MIPOL1: variants seen among roughly 807,000 people sequenced by gnomAD.
The protein encoded by MIPOL1 is mirror-image polydactyly gene 1 protein.
MIPOL1 carries 57 observed loss-of-function variants against 60.9 expected under a neutral mutation model. That is an observed-to-expected ratio of 0.94 (90% CI 0.76 to 1.17). The LOEUF (loss-of-function observed/expected upper bound fraction) is 1.17, where lower values mean the gene tolerates loss of function less well. Among genes scored for constraint, MIPOL1 ranks in the 50% most tolerant of loss-of-function variants. MIPOL1 has a pLI of 0.00. For missense variants in MIPOL1, 551 were observed against 511.6 expected, an observed-to-expected ratio of 1.08 and a Z score of -0.74; for synonymous variants, 179 against 168.8, an observed-to-expected ratio of 1.06 and a Z score of -0.47.
At chr14:37,331,277 T>G (rs2089658646) in intron 9 of MIPOL1, among the ~76,000 whole-genome samples, 1 of 152,154 alleles carries the variant, frequency 6.6e-6, no homozygotes, top group South Asian at 2.1e-4. Context: ...GGTTTATTTT[T>G]TATGTTTCTG....
intron 12 of MIPOL1, chr14:37,506,697 C>CATGA (rs1285049212): frequency 6.6e-6 from 1 of 152,166 alleles, no homozygotes; most frequent in African/African-American, 2.4e-5. Flanking sequence ...GCAAAGACTT[C>CATGA]ATGACTAAAA....
intron 12 of MIPOL1, among the ~76,000 whole-genome samples, chr14:37,519,488 T>C (rs904461963): frequency 2.0e-5 from 3 of 152,250 alleles, no homozygotes; most frequent in South Asian, 2.1e-4. Flanking sequence ...AAAATTTTGA[T>C]ATTTTTCTCA....
Position 37,308,592 on chromosome 14 carries a change from A to G in MIPOL1, c.828+73A>G. Reference sequence around the variant, plus strand: ...CTATTTTTTTAACCATTAAAAACTGACTTTGGCCCAGATATTCTTAATTCA... The same window carrying G: ...CTATTTTTTTAACCATTAAAAACTGGCTTTGGCCCAGATATTCTTAATTCA... On this transcript the variant is annotated intron_variant, in intron 9 of 12. Transcript: ENST00000684589. The G allele has an allele frequency of 3.5e-6, 4 of 1,147,312 alleles. No individual in the cohort carries two copies. The South Asian group carries it at 8.1e-5, about 23-fold the overall frequency. The allele number at this position is 1,147,312 out of a possible 1,614,324, so 71.1% of individuals were successfully genotyped here.
intron 9 of MIPOL1, among the ~76,000 whole-genome samples, chr14:37,366,832 G>A (rs904545320): frequency 1.3e-5 from 2 of 151,852 alleles, no homozygotes; most frequent in Admixed American, 6.6e-5. Flanking sequence ...ATGGATGCTC[G>A]AATGTTGAGT....
intron 11 of MIPOL1, among the ~76,000 whole-genome samples, chr14:37,455,554 T>C (rs2094467590): frequency 6.6e-6 from 1 of 152,154 alleles, no homozygotes; most frequent in African/African-American, 2.4e-5. Flanking sequence ...TATACTGTTA[T>C]TTTTCTCACC....
chr14:37,315,645 G>C (rs2087793691), intron 9 of MIPOL1, among the ~76,000 whole-genome samples: 1 of 152,150 alleles, frequency 6.6e-6, no homozygotes, highest in African/African-American at 2.4e-5. Context: ...CACTGTGTTG[G>C]CTCTATCTGT....
chr14:37,432,174 A>G (rs991215102), intron 11 of MIPOL1, among the ~76,000 whole-genome samples: 1 of 152,164 alleles, frequency 6.6e-6, no homozygotes, highest in Admixed American at 6.5e-5. Context: ...CAGCTATTCT[A>G]TTAATCCTTT....
intron 1 of MIPOL1, among the ~76,000 whole-genome samples, chr14:37,232,930 T>A (rs1007127248): frequency 6.6e-6 from 1 of 152,230 alleles, no homozygotes; most frequent in Admixed American, 6.5e-5. Context: ...ATTAAACTAT[T>A]CAGTAGTCAT....
At chr14:37,400,516 TA>T (rs1204303629) in intron 10 of MIPOL1, 1 of 152,154 alleles carries the variant, frequency 6.6e-6, no homozygotes, top group Admixed American at 6.5e-5. Context: ...GTACAAAGCC[TA>T]GTTGACCATT....
At chr14:37,302,749 A>G (rs1294835563) in intron 7 of MIPOL1, among the ~76,000 whole-genome samples, 2 of 151,130 alleles carry the variant, frequency 1.3e-5, no homozygotes, top group African/African-American at 2.4e-5. Flanking sequence ...TTGACTATAT[A>G]TCTGTGGGTT....
chr14:37,291,534 T>G (rs1032578290), intron 7 of MIPOL1, among the ~76,000 whole-genome samples: 11 of 152,236 alleles, frequency 7.2e-5, no homozygotes, highest in Non-Finnish European at 1.3e-4. Flanking sequence ...TCTTTTATTT[T>G]ATTGAAATGA....
At chr14:37,391,401 CTT>C (rs10656096) in intron 10 of MIPOL1, among the ~76,000 whole-genome samples, 1 of 145,196 alleles carries the variant, frequency 6.9e-6, no homozygotes, top group Non-Finnish European at 1.5e-5. Context: ...GAAGCCTAAT[CTT>C]TTTTTTTTTT....
intron 10 of MIPOL1, among the ~76,000 whole-genome samples, chr14:37,389,047 G>T (rs2093159111): frequency 6.6e-6 from 1 of 152,004 alleles, no homozygotes; most frequent in Non-Finnish European, 1.5e-5. Flanking sequence ...ACTACTGGAG[G>T]TCATGTGCTT....
intron 1 of MIPOL1, among the ~76,000 whole-genome samples, chr14:37,219,297 A>T (rs1040186247): frequency 1.3e-5 from 2 of 152,232 alleles, no homozygotes; most frequent in Admixed American, 1.3e-4. Context: ...CAAAAGGTTG[A>T]GGGCTAGTAT....
chr14:37,531,078 A>G (rs1350192859), intron 12 of MIPOL1, among the ~76,000 whole-genome samples: 3 of 152,156 alleles, frequency 2.0e-5, no homozygotes, highest in East Asian at 3.9e-4. Flanking sequence ...TCGGCCCCAC[A>G]AAGTGCTGGG....
intron 10 of MIPOL1, among the ~76,000 whole-genome samples, chr14:37,376,111 A>C (rs2092770442): frequency 6.6e-6 from 1 of 152,202 alleles, no homozygotes; most frequent in Admixed American, 6.6e-5. Flanking sequence ...TCCCACAGAC[A>C]TACAACCTCT....
At chr14:37,465,420 T>C (rs1376322879) in intron 11 of MIPOL1, among the ~76,000 whole-genome samples, 6 of 152,164 alleles carry the variant, frequency 3.9e-5, no homozygotes. Flanking sequence ...CAAAAACATA[T>C]ATAAATATTC....
chr14:37,304,553 A>G lies in MIPOL1; in HGVS notation c.624-3503A>G, dbSNP rs149868470. ...AGAGAATAAAAGCAAACAAATCAGA[A>G]TTTTCTGATTAGAATAAAAGCCAAC... On this transcript the variant is annotated intron_variant, in intron 7 of 12. Transcript: ENST00000684589. Among the ~76,000 whole-genome samples, 41 of 151,886 alleles carry G rather than the reference A, an allele frequency of 2.7e-4. No individual in the cohort carries two copies. In the East Asian group the frequency reaches 7.0e-3, roughly 26 times the overall value.
intron 10 of MIPOL1, among the ~76,000 whole-genome samples, chr14:37,403,022 T>A (rs966272083): frequency 6.6e-6 from 1 of 152,178 alleles, no homozygotes; most frequent in African/African-American, 2.4e-5. Flanking sequence ...GTTACATTGC[T>A]TGTGTACTTT....
Sources: gnomAD v4.1 joint callset for allele counts (sites outside exome capture counted in the v4.1 genomes callset) on GRCh38, gnomAD v4.1.1 for gene constraint, MANE v1.5 for transcripts, NCBI Gene and HGNC (gene_info 2026-07-23, HGNC 2026-07-21) for gene names.